Variants in GOLGA8B observed in about 807,000 individuals in gnomAD.
The protein encoded by GOLGA8B is golgin A8 family member B.
GOLGA8B carries 1 observed loss-of-function variant against 15.6 expected under a neutral mutation model. That is an observed-to-expected ratio of 0.06 (90% CI 0.02 to 0.30). The LOEUF (loss-of-function observed/expected upper bound fraction) is 0.30. GOLGA8B is among the 10% of genes least tolerant of loss of function. GOLGA8B has a pLI of 1.00. For synonymous variants in GOLGA8B, 9 were observed against 80.3 expected (o/e 0.11, Z 4.75); for missense variants, 17 against 201.3 (o/e 0.08, Z 5.54).
intron 1 of GOLGA8B, among the ~76,000 whole-genome samples, chr15:34,564,859 C>T (rs1888718030): frequency 6.9e-6 from 1 of 144,022 alleles, no homozygotes; most frequent in African/African-American, 2.5e-5. Flanking sequence ...AGTCTGGACT[C>T]CACCCTGTAG....
At chr15:34,583,125 G>C (rs913395442) in intron 1 of GOLGA8B, among the ~76,000 whole-genome samples, 1 of 152,076 alleles carries the variant, frequency 6.6e-6, no homozygotes, top group Non-Finnish European at 1.5e-5. Flanking sequence ...GGCGTCAAGC[G>C]GGGCAGCGGA....
chr15:34,550,948 T>C (rs1888373730), intron 4 of GOLGA8B, among the ~76,000 whole-genome samples, 190 bp downstream of exon 4: 2 of 94,712 alleles, frequency 2.1e-5, no homozygotes, highest in South Asian at 7.1e-4. Flanking sequence ...TGAACTATGA[T>C]TGTGCCACCG....
intron 1 of GOLGA8B, among the ~76,000 whole-genome samples, chr15:34,575,148 G>A (rs1298834203): frequency 1.3e-5 from 2 of 150,386 alleles, no homozygotes; most frequent in African/African-American, 2.4e-5. Context: ...GTCCGCACTA[G>A]CAAGGCTGGG....
At chr15:34,573,584 A>T (rs1431348683) in intron 1 of GOLGA8B, among the ~76,000 whole-genome samples, 1 of 151,306 alleles carries the variant, frequency 6.6e-6, no homozygotes, top group Non-Finnish European at 1.5e-5. Context: ...GTTCCCAAGG[A>T]ATTTGCTTCC....
At chr15:34,566,686 G>A (rs1228430496) in intron 1 of GOLGA8B, among the ~76,000 whole-genome samples, 1 of 145,190 alleles carries the variant, frequency 6.9e-6, no homozygotes, top group South Asian at 2.1e-4. Context: ...CAGGGCCAGC[G>A]GCGCAGGAAA....
chr15:34,564,679 A>AT lies in GOLGA8B; in HGVS notation c.-1122-10724dup, dbSNP rs1044959026. 2.1e-5 allele frequency among the ~76,000 whole-genome samples: 3 copies of AT among 144,884 alleles called. 1 individual carries two copies. Among genetic ancestry groups the AT allele is most frequent in the Non-Finnish European group, 3.2e-5 (2 of 63,238 alleles). ...GTTATGGTCTTGATTGTTTTACAAG[A>AT]TTTTTTCTGCAGGTACTTTTGCAAG... On this transcript the variant is annotated intron_variant, in intron 1 of 23. Transcript: ENST00000683415.
intron 1 of GOLGA8B, among the ~76,000 whole-genome samples, chr15:34,579,097 A>G (rs1056356268): frequency 2.0e-5 from 3 of 151,956 alleles, no homozygotes; most frequent in Admixed American, 6.6e-5. Flanking sequence ...TCATGCGCAC[A>G]TTGCAGATGC....
At position 34,551,944 on chromosome 15, in the gene GOLGA8B, G is replaced by T. The variant is rs559902178; in HGVS notation, c.-713-668C>A. On this transcript the variant is annotated intron_variant, in intron 3 of 23. Transcript: ENST00000683415. ...GAATGGAAAGCCCCTCTGCATAACTGCAGCAGCTGGTGCCATCCTCTGTTC... is the reference window on the plus strand; with the variant it reads ...GAATGGAAAGCCCCTCTGCATAACTTCAGCAGCTGGTGCCATCCTCTGTTC... Among the ~76,000 whole-genome samples the T allele has an allele frequency of 9.6e-5, 10 of 104,166 alleles. 4 individuals are homozygous for T. In the East Asian group the frequency reaches 2.5e-3, roughly 26 times the overall value. The allele number at this position is 104,166 out of a possible 152,430, so 68.3% of individuals were successfully genotyped here. A position where few individuals can be genotyped will look rare whatever the true frequency, so the allele number is the denominator to read the frequency against.
chr15:34,569,026 G>C (rs1888835704), intron 1 of GOLGA8B, among the ~76,000 whole-genome samples: 1 of 149,686 alleles, frequency 6.7e-6, no homozygotes, highest in Non-Finnish European at 1.5e-5. Context: ...AGCCAGCTCT[G>C]TCCACAGTGC....
At chr15:34,573,274 C>T (rs2140352902) in intron 1 of GOLGA8B, among the ~76,000 whole-genome samples, 1 of 152,220 alleles carries the variant, frequency 6.6e-6, no homozygotes, top group South Asian at 2.1e-4. Context: ...CATGGTGGCT[C>T]ACGCCTGTAA....
intron 1 of GOLGA8B, among the ~76,000 whole-genome samples, chr15:34,580,217 GA>G (rs1364257346): frequency 1.3e-5 from 2 of 152,178 alleles, no homozygotes; most frequent in Admixed American, 1.3e-4. Context: ...ATGGGGTGGG[GA>G]CAACCCAGGG....
chr15:34,576,162 G>T (rs72726703), intron 1 of GOLGA8B, among the ~76,000 whole-genome samples: 1 of 152,160 alleles, frequency 6.6e-6, no homozygotes, highest in African/African-American at 2.4e-5. Context: ...AAGGAGTTAG[G>T]CCAGGGTTGC....
intron 1 of GOLGA8B, among the ~76,000 whole-genome samples, chr15:34,583,041 G>A (rs1889287932): frequency 6.6e-6 from 1 of 152,180 alleles, no homozygotes; most frequent in South Asian, 2.1e-4. Context: ...TCCGGGCTCG[G>A]GTTCTCCCGG....
chr15:34,532,823 AG>A, intron 11 of GOLGA8B, 22 bp downstream of exon 11: 2 of 1,348,752 alleles, frequency 1.5e-6, no homozygotes. Flanking sequence ...GCGTGGAATC[AG>A]GGGACCCCAC....
At position 34,527,305 on chromosome 15, in the gene GOLGA8B, G is replaced by A. The variant is rs1260671446; in HGVS notation, c.*327C>T. 5 of 371,706 alleles carry A rather than the reference G, an allele frequency of 1.3e-5. No homozygotes were observed. Among genetic ancestry groups the A allele is most frequent in the African/African-American group, 2.2e-5 (1 of 46,322 alleles). The allele number at this position is 371,706 out of a possible 1,614,324, so 23.0% of individuals were successfully genotyped here. On this transcript the variant is annotated 3_prime_UTR_variant, in exon 24 of 24. Coordinates refer to ENST00000683415, the MANE Select transcript of GOLGA8B (RefSeq NM_001023567.5). ...GCACGGGAGCCTATTCCAAACCAGC[G>A]AGAACAGTTTTGTGCAAAGAGTGGG... is the stretch of plus-strand genomic sequence containing the variant.
chr15:34,550,822 C>T (rs1472640402), intron 4 of GOLGA8B, among the ~76,000 whole-genome samples: 22 of 140,174 alleles, frequency 1.6e-4, no homozygotes, highest in African/African-American at 6.1e-4. Flanking sequence ...AGTGAGACCC[C>T]ATCTCTACTA....
chr15:34,568,982 C>T (rs143072992), intron 1 of GOLGA8B, among the ~76,000 whole-genome samples: 15,147 of 148,514 alleles, frequency 0.1, 515 homozygotes, highest in African/African-American at 0.14. Context: ...CATGCTGATT[C>T]TGCAGGCATT....
Position 34,527,680 on chromosome 15 carries a change from G to A in GOLGA8B, c.1764C>T (p.Cys588=). Residue 588 remains cysteine (C), a synonymous_variant, in exon 24 of 24, where the codon TGC becomes TGT. Transcript: ENST00000683415. Reference sequence around the variant, plus strand: ...AAGCCCAGCAAAAGCATGGCACACAGCAGTTGCTGCCCAAGCCTGGGTGCT... The same window carrying A: ...AAGCCCAGCAAAAGCATGGCACACAACAGTTGCTGCCCAAGCCTGGGTGCT... ...HQEHPGLGSN[C]CVPCFCWAWL... 7.0e-7 allele frequency: 1 copy of A among 1,420,150 alleles called. No individual in the cohort carries two copies. The highest frequency in any genetic ancestry group is 9.4e-7 in the Non-Finnish European group (1 of 1,063,984). The allele number at this position is 1,420,150 out of a possible 1,614,324, so 88.0% of individuals were successfully genotyped here. A position where few individuals can be genotyped will look rare whatever the true frequency, so the allele number is the denominator to read the frequency against.
At chr15:34,578,022 C>T (rs8039908) in intron 1 of GOLGA8B, among the ~76,000 whole-genome samples, 83,805 of 152,102 alleles carry the variant, frequency 0.55, 23,491 homozygotes, top group African/African-American at 0.63. Flanking sequence ...TACGCTATCA[C>T]TCACAAAAAC....
Sources: gnomAD v4.1 joint callset for allele counts (sites outside exome capture counted in the v4.1 genomes callset) on GRCh38, gnomAD v4.1.1 for gene constraint, MANE v1.5 for transcripts, NCBI Gene and HGNC (gene_info 2026-07-23, HGNC 2026-07-21) for gene names.